Variants in CGNL1 observed in about 807,000 individuals in gnomAD.
The protein encoded by CGNL1 is cingulin like 1, also known as cingulin-like protein 1.
In CGNL1, 132 loss-of-function variants were observed where a neutral mutation model predicts 141.2. That is an observed-to-expected ratio of 0.93 (90% CI 0.81 to 1.08). The LOEUF is 1.08. Ranked by LOEUF, CGNL1 falls within the 50% of genes least tolerant of loss-of-function variation. The pLI is 0.00. For missense variants in CGNL1, 1,870 were observed against 1,588.6 expected (o/e 1.18, Z -3.01); for synonymous variants, 690 against 622.1 (o/e 1.11, Z -1.63).
chr15:57,444,731 A>G (rs969057416), intron 4 of CGNL1, among the ~76,000 whole-genome samples: 19 of 152,192 alleles, frequency 1.2e-4, no homozygotes, highest in African/African-American at 3.1e-4. Context: ...ATGGGTTGCC[A>G]TGTTAGAGGG....
chr15:57,470,076 C>A (rs1226069141), intron 8 of CGNL1, among the ~76,000 whole-genome samples: 2 of 152,078 alleles, frequency 1.3e-5, no homozygotes, highest in Non-Finnish European at 2.9e-5. Flanking sequence ...ATCAACTTAC[C>A]CTGAATGACG....
intron 8 of CGNL1, among the ~76,000 whole-genome samples, chr15:57,487,079 C>A (rs1243608912): frequency 6.6e-6 from 1 of 152,168 alleles, no homozygotes; most frequent in African/African-American, 2.4e-5. Context: ...ACTTAAAATA[C>A]CTTTATTACC....
chr15:57,396,277 G>GTTTTTTTTTTTTTTTTTTTTTT (rs57154500), intron 1 of CGNL1, among the ~76,000 whole-genome samples: 3 of 129,218 alleles, frequency 2.3e-5, no homozygotes, highest in African/African-American at 8.8e-5. Context: ...TTCTTTCTTT[G>GTTTTTTTTTTTTTTTTTTTTTT]TTTTTTTTTT....
intron 18 of CGNL1, among the ~76,000 whole-genome samples, 188 bp from the exon 19 acceptor site, chr15:57,547,167 G>A (rs551857540): frequency 3.3e-5 from 5 of 152,330 alleles, no homozygotes; most frequent in African/African-American, 1.2e-4. Flanking sequence ...TTTCCGTGCC[G>A]AAATGGGGGC....
intron 1 of CGNL1, among the ~76,000 whole-genome samples, chr15:57,381,794 C>A (rs866733523): frequency 6.6e-6 from 1 of 152,034 alleles, no homozygotes; most frequent in South Asian, 2.1e-4. Context: ...TTTTCCTCTA[C>A]GTGAGGTAGA....
intron 1 of CGNL1, among the ~76,000 whole-genome samples, chr15:57,419,878 T>C (rs1428296727): frequency 2.0e-5 from 3 of 152,226 alleles, no homozygotes; most frequent in African/African-American, 7.2e-5. Flanking sequence ...CCCTGTCCTC[T>C]GGGGCAGGTT....
intron 16 of CGNL1, among the ~76,000 whole-genome samples, chr15:57,544,821 T>C (rs1181656134): frequency 6.6e-6 from 1 of 152,214 alleles, no homozygotes; most frequent in Non-Finnish European, 1.5e-5. Context: ...CTGGTGTAGC[T>C]GGGTAAAAGT....
chr15:57,440,549 A>G (rs1399980733), intron 3 of CGNL1, 78 bp downstream of exon 3: 1 of 1,064,540 alleles, frequency 9.4e-7, no homozygotes, highest in Non-Finnish European at 1.4e-6. Context: ...CGAGGCTTTA[A>G]TGGTTACCTT....
chr15:57,523,664 A>G (rs763826440), intron 11 of CGNL1, 23 bp downstream of exon 11: 14 of 1,612,668 alleles, frequency 8.7e-6, no homozygotes, highest in Non-Finnish European at 1.2e-5. Context: ...AGGAGGAAAG[A>G]GGAAGTAGGG....
intron 8 of CGNL1, among the ~76,000 whole-genome samples, chr15:57,468,115 G>T (rs1218679395): frequency 2.6e-5 from 4 of 152,106 alleles, no homozygotes; most frequent in African/African-American, 9.7e-5. Flanking sequence ...CCATGCATTG[G>T]TGTGTGTTAA....
intron 4 of CGNL1, among the ~76,000 whole-genome samples, chr15:57,443,310 C>A (rs1246404689): frequency 6.6e-5 from 10 of 152,290 alleles, no homozygotes; most frequent in Middle Eastern, 3.4e-3. Context: ...GTCAGACACA[C>A]CTGGTGCCCT....
intron 8 of CGNL1, chr15:57,477,408 A>T (rs1417740691): frequency 6.6e-6 from 1 of 152,226 alleles, no homozygotes; most frequent in Non-Finnish European, 1.5e-5. Flanking sequence ...TGGGTTCTTC[A>T]TGTATTTGGA....
rs1176613338 is a variant in CGNL1, at chr15:57,391,335, A to G, written c.-16+14768A>G. ...AGCAGAATGAGTGAAATACTGGCCAATGATAAGCAGCCTTGCTGTTACTGC... is the reference window on the plus strand; with the variant it reads ...AGCAGAATGAGTGAAATACTGGCCAGTGATAAGCAGCCTTGCTGTTACTGC... On this transcript the variant is annotated intron_variant, in intron 1 of 18. Coordinates refer to ENST00000281282, the MANE Select transcript of CGNL1 (RefSeq NM_032866.5). Among the ~76,000 whole-genome samples the G allele has an allele frequency of 3.9e-5, 6 of 152,370 alleles. No individual in the cohort carries two copies. The East Asian group carries it at 7.7e-4, about 20-fold the overall frequency.
intron 8 of CGNL1, among the ~76,000 whole-genome samples, chr15:57,501,443 C>G (rs1163222259): frequency 3.9e-5 from 6 of 152,198 alleles, no homozygotes; most frequent in Non-Finnish European, 7.3e-5. Context: ...TGATGCCTGC[C>G]TAGGCAGAGA....
At chr15:57,503,252 G>A (rs1164004144) in intron 8 of CGNL1, among the ~76,000 whole-genome samples, 1 of 152,192 alleles carries the variant, frequency 6.6e-6, no homozygotes, top group Non-Finnish European at 1.5e-5. Flanking sequence ...TGATGAGGTG[G>A]CCCCAGGGAT....
intron 4 of CGNL1, among the ~76,000 whole-genome samples, chr15:57,448,459 G>A (rs1490268765): frequency 6.6e-6 from 1 of 152,076 alleles, no homozygotes; most frequent in Non-Finnish European, 1.5e-5. Flanking sequence ...GATCATCCTG[G>A]TCAACATGGT....
At chr15:57,487,656 G>A (rs1203901891) in intron 8 of CGNL1, among the ~76,000 whole-genome samples, 7 of 152,166 alleles carry the variant, frequency 4.6e-5, no homozygotes, top group African/African-American at 1.7e-4. Context: ...CAAGTGATTA[G>A]AATTGTGATG....
intron 1 of CGNL1, among the ~76,000 whole-genome samples, chr15:57,379,027 A>C (rs931810776): frequency 4.4e-4 from 67 of 152,092 alleles, no homozygotes; most frequent in African/African-American, 1.5e-3. Context: ...CTATATGGAA[A>C]GTGTTTTCCT....
chr15:57,465,001 C>G (rs1403925454), intron 8 of CGNL1, among the ~76,000 whole-genome samples: 1 of 152,048 alleles, frequency 6.6e-6, no homozygotes, highest in Non-Finnish European at 1.5e-5. Flanking sequence ...ATCTGCCCAC[C>G]TCGGCCTCCC....
Sources: gnomAD v4.1 joint callset for allele counts (sites outside exome capture counted in the v4.1 genomes callset) on GRCh38, gnomAD v4.1.1 for gene constraint, MANE v1.5 for transcripts, NCBI Gene and HGNC (gene_info 2026-07-23, HGNC 2026-07-21) for gene names.